Variants in COL4A5 observed in about 807,000 individuals in gnomAD.
The protein encoded by COL4A5 is collagen type IV alpha 5 chain.
Under a neutral mutation model 130.2 loss-of-function variants are expected in COL4A5, and 26 were observed. The observed-to-expected ratio is 0.20, with a 90% confidence interval of 0.15 to 0.28. The LOEUF (loss-of-function observed/expected upper bound fraction) is 0.28. Among genes scored for constraint, COL4A5 ranks in the 10% least tolerant of loss-of-function variants. COL4A5 has a pLI of 1.00. For synonymous variants in COL4A5, 496 were observed against 439.6 expected (o/e 1.13, Z -1.60); for missense variants, 1,131 against 1,344.3 (o/e 0.84, Z 2.48).
At chrX:108,513,271 C>T (rs950111634) in intron 1 of COL4A5, among the ~76,000 whole-genome samples, 5 of 110,501 alleles carry the variant, frequency 4.5e-5, no homozygotes, top group African/African-American at 1.7e-4. Context: ...GCACTCCAGC[C>T]TGGGCGACAG....
At chrX:108,480,412 G>C (rs1014698723) in intron 1 of COL4A5, among the ~76,000 whole-genome samples, 13 of 112,776 alleles carry the variant, frequency 1.2e-4, no homozygotes, top group South Asian at 3.7e-4. Flanking sequence ...TGTGTTTGCT[G>C]TTTCTTGCTC....
At chrX:108,694,605 G>GA (rs56242126) in intron 50 of COL4A5, 7 of 437,741 alleles carry the variant, frequency 1.6e-5, no homozygotes, top group Middle Eastern at 6.3e-4. Context: ...GCAGTTTTTT[G>GA]AAAAAAGTTT....
intron 2 of COL4A5, among the ~76,000 whole-genome samples, chrX:108,551,983 A>G (rs2065759609): frequency 8.9e-6 from 1 of 112,134 alleles, no homozygotes; most frequent in South Asian, 3.7e-4. Context: ...ACATGTTCTC[A>G]CTAATAAGTG....
At chrX:108,563,152 G>C (rs181753533) in intron 3 of COL4A5, among the ~76,000 whole-genome samples, 97 of 111,330 alleles carry the variant, frequency 8.7e-4, no homozygotes, top group African/African-American at 3.1e-3. Flanking sequence ...TGATTATTTA[G>C]GTAGGTTTCA....
chrX:108,488,959 C>T (rs1447334283), intron 1 of COL4A5, among the ~76,000 whole-genome samples: 1 of 111,632 alleles, frequency 9.0e-6, no homozygotes, highest in Non-Finnish European at 1.9e-5. Flanking sequence ...GAACCAACAT[C>T]CCCTAGTAAC....
chrX:108,627,411 T>G, intron 36 of COL4A5: 2 of 736,038 alleles, frequency 2.7e-6, no homozygotes, highest in Non-Finnish European at 3.2e-6. Context: ...GTTTGGGGTT[T>G]TTTCTACACA....
intron 1 of COL4A5, among the ~76,000 whole-genome samples, chrX:108,514,522 G>A (rs762186029): frequency 1.9e-4 from 21 of 111,865 alleles, no homozygotes; most frequent in African/African-American, 6.8e-4. Flanking sequence ...TGCTAGAAAG[G>A]TAAATAAAAG....
rs58579424 is a variant in COL4A5 at position 108,610,543 on chromosome X, A to C, written c.2395+3651A>C. Among the ~76,000 whole-genome samples, 812 of 112,191 alleles carry C rather than the reference A, an allele frequency of 7.2e-3. 4 individuals are homozygous for C. Among genetic ancestry groups the C allele is most frequent in the East Asian group, 0.037 (133 of 3,578 alleles). On this transcript the variant is annotated intron_variant, in intron 29 of 52. Coordinates refer to ENST00000328300, the MANE Select transcript of COL4A5 (RefSeq NM_033380.3). The stretch of plus-strand genomic sequence containing the variant: ...TCTCCCCTAGCTGTAGACCTGTAGC[A>C]ACAAAAATTGCAGATAAAGATATTT...
In COL4A5 at chrX:108,546,355, T is replaced by C. The variant is rs1267219740; in HGVS notation, c.141+6550T>C. ...CTTGTCTGTAAAGGATTTTATTTCT[T>C]CTTCACTTATGAAGTTTAGTTTGGC... On this transcript the variant is annotated intron_variant, in intron 2 of 52. Transcript: ENST00000328300. Among the ~76,000 whole-genome samples the C allele has an allele frequency of 8.1e-5, 9 of 111,624 alleles. No individual in the cohort carries two copies. In the South Asian group the frequency reaches 3.0e-3, roughly 38 times the overall value.
intron 47 of COL4A5, among the ~76,000 whole-genome samples, chrX:108,683,274 A>C (rs2068473581): frequency 8.9e-6 from 1 of 111,859 alleles, no homozygotes; most frequent in Non-Finnish European, 1.9e-5. Context: ...TACCAGTACC[A>C]TGCTGTTTTG....
intron 1 of COL4A5, among the ~76,000 whole-genome samples, chrX:108,441,176 A>G (rs376287857): frequency 3.2e-4 from 36 of 112,365 alleles, no homozygotes; most frequent in African/African-American, 1.0e-3. Context: ...GTGAGAGAAA[A>G]TGTTCTCCAG....
At chrX:108,469,923 A>G (rs748226458) in intron 1 of COL4A5, among the ~76,000 whole-genome samples, 1 of 111,688 alleles carries the variant, frequency 9.0e-6, no homozygotes, top group South Asian at 3.8e-4. Flanking sequence ...ACTTAGGATA[A>G]TGGCCTCCAG....
chrX:108,637,448 G>A (rs1349715786), intron 36 of COL4A5, among the ~76,000 whole-genome samples: 4 of 111,320 alleles, frequency 3.6e-5, no homozygotes, highest in Non-Finnish European at 7.5e-5. Flanking sequence ...AAAGATTAGA[G>A]CAGAGATAAA....
intron 1 of COL4A5, among the ~76,000 whole-genome samples, chrX:108,531,394 T>TAAAAAATA (rs1214705016): frequency 3.2e-5 from 1 of 31,220 alleles, no homozygotes; most frequent in Admixed American, 3.3e-4. Context: ...ATAAAATAAA[T>TAAAAAATA]AAATAAATAA....
intron 49 of COL4A5, among the ~76,000 whole-genome samples, chrX:108,688,340 T>A (rs1214144356): frequency 9.0e-6 from 1 of 111,572 alleles, no homozygotes. Context: ...TCAAGGACTC[T>A]TCCATCCCCA....
At chrX:108,548,204 G>A (rs943741033) in intron 2 of COL4A5, among the ~76,000 whole-genome samples, 4 of 112,044 alleles carry the variant, frequency 3.6e-5, no homozygotes, top group Admixed American at 9.4e-5. Context: ...CATCGCTCAC[G>A]CTGGGAGCTG....
At chrX:108,681,725 T>TCTTTCC in intron 46 of COL4A5, 35 bp from the exon 47 acceptor site, 1 of 1,208,524 alleles carries the variant, frequency 8.3e-7, no homozygotes, top group Non-Finnish European at 1.1e-6. Flanking sequence ...GTAACCTTTC[T>TCTTTCC]CTTTCCCTTC....
chrX:108,656,300 G>A (rs2067840771), intron 37 of COL4A5, among the ~76,000 whole-genome samples: 1 of 111,202 alleles, frequency 9.0e-6, no homozygotes, highest in Non-Finnish European at 1.9e-5. Context: ...ATCATTATGT[G>A]TAAAAGATTC....
intron 2 of COL4A5, among the ~76,000 whole-genome samples, chrX:108,544,843 T>G (rs997099189): frequency 9.0e-6 from 1 of 111,334 alleles, no homozygotes; most frequent in African/African-American, 3.3e-5. Context: ...CTTGGGAGAG[T>G]GTATGTGTTG....
Sources: allele counts gnomAD v4.1 joint callset (sites outside exome capture counted in the v4.1 genomes callset), GRCh38; gene constraint gnomAD v4.1.1; transcripts MANE v1.5; gene names NCBI Gene and HGNC (gene_info 2026-07-23, HGNC 2026-07-21).